The following NRDC variants were observed in gnomAD, a reference collection of about 807,000 sequenced individuals.
The protein encoded by NRDC is nardilysin.
A neutral mutation model predicts 147.1 loss-of-function variants in NRDC; 54 were observed. The observed-to-expected ratio is 0.37, with a 90% CI of 0.29 to 0.46. The LOEUF is 0.46. Ranked by LOEUF, NRDC falls within the 20% of genes least tolerant of loss-of-function variation. The probability of loss-of-function intolerance (pLI) is 1.00; values close to 1 mark genes in which losing one functional copy is unlikely to be tolerated. For synonymous variants in NRDC, 440 were observed against 482.1 expected, an observed-to-expected ratio of 0.91 and a Z score of 1.14; for missense variants, 1,082 against 1,370.6, an observed-to-expected ratio of 0.79 and a Z score of 3.33.
intron 1 of NRDC, among the ~76,000 whole-genome samples, chr1:51,842,291 C>A (rs997952822): frequency 6.6e-6 from 1 of 150,850 alleles, no homozygotes; most frequent in Non-Finnish European, 1.5e-5. Context: ...GGAAAGGACA[C>A]TGTTAGCAGA....
At chr1:51,795,934 G>A (rs539233666) in intron 22 of NRDC, among the ~76,000 whole-genome samples, 1 of 151,206 alleles carries the variant, frequency 6.6e-6, no homozygotes, top group Non-Finnish European at 1.5e-5. Flanking sequence ...AGGCTGGAGG[G>A]CAGTGGCATG....
intron 22 of NRDC, among the ~76,000 whole-genome samples, chr1:51,797,646 T>A (rs1010660536): frequency 2.6e-5 from 4 of 152,218 alleles, no homozygotes. Flanking sequence ...TTAGCCTCTA[T>A]ACTAAACTGT....
At chr1:51,798,592 C>G (rs1679043006) in intron 21 of NRDC, 181 bp from the exon 22 acceptor site, 1 of 537,828 alleles carries the variant, frequency 1.9e-6, no homozygotes, top group Admixed American at 3.4e-5. Flanking sequence ...AAACCACATA[C>G]ACAAACTTTA....
intron 1 of NRDC, among the ~76,000 whole-genome samples, chr1:51,842,229 TG>T (rs1458087756): frequency 1.0e-4 from 15 of 150,446 alleles, no homozygotes; most frequent in African/African-American, 3.7e-4. Flanking sequence ...AAAAAATGTT[TG>T]GTTTTTTTTT....
At chr1:51,862,966 G>A (rs1682615069) in intron 1 of NRDC, among the ~76,000 whole-genome samples, 1 of 126,080 alleles carries the variant, frequency 7.9e-6, no homozygotes, top group African/African-American at 3.0e-5. Flanking sequence ...GCTGAAATCA[G>A]GCCACTGCAC....
At chr1:51,825,225 C>T (rs1680391873) in intron 6 of NRDC, 62 bp downstream of exon 6, 1 of 1,113,626 alleles carries the variant, frequency 9.0e-7, no homozygotes, top group East Asian at 2.5e-5. Flanking sequence ...TCTTTATCAA[C>T]TTTTCTTATT....
chr1:51,876,599 G>T (rs768438869), intron 1 of NRDC, among the ~76,000 whole-genome samples: 2 of 152,100 alleles, frequency 1.3e-5, no homozygotes, highest in African/African-American at 2.4e-5. Flanking sequence ...CTGGATTTTT[G>T]GATTAGGGAT....
chr1:51,878,618 A>T lies in NRDC; in HGVS notation c.-3T>A. 1.2e-6 allele frequency: 2 copies of T among 1,606,994 alleles called. No homozygotes were observed. Among genetic ancestry groups the T allele is most frequent in the Non-Finnish European group, 1.7e-6 (2 of 1,176,804 alleles). On this transcript the variant is annotated 5_prime_UTR_variant, in exon 1 of 31. The change abolishes the stop of an existing upstream ORF in the 5' untranslated region. Coordinates refer to ENST00000352171, the MANE Select transcript of NRDC (RefSeq NM_001101662.2). ...GCAACAGTGACTCTCCTCAGCATTC[A>T]CCACCAAGCTGGAGCGATGGACATC...
intron 22 of NRDC, chr1:51,795,276 T>G: frequency 1.8e-6 from 2 of 1,139,314 alleles, no homozygotes; most frequent in Non-Finnish European, 2.3e-6. Context: ...TTAAGAATTC[T>G]GTTTTCTTAT....
chr1:51,790,873 G>A (rs1368720850), intron 28 of NRDC, 27 bp downstream of exon 28: 2 of 1,584,834 alleles, frequency 1.3e-6, no homozygotes, highest in African/African-American at 2.7e-5. Context: ...TGGGCCAAAG[G>A]CCAAAAGACC....
intron 4 of NRDC, among the ~76,000 whole-genome samples, chr1:51,832,390 A>T (rs1005396131): frequency 1.3e-4 from 20 of 152,000 alleles, no homozygotes; most frequent in South Asian, 4.1e-4. Flanking sequence ...TTTAAAAAAA[A>T]TTTTTTTTGG....
intron 4 of NRDC, among the ~76,000 whole-genome samples, 176 bp downstream of exon 4, chr1:51,833,841 C>A (rs1218570509): frequency 6.6e-6 from 1 of 152,192 alleles, no homozygotes; most frequent in Non-Finnish European, 1.5e-5. Context: ...TCTCAAACTC[C>A]TGGCTTTAAG....
At chr1:51,791,865 A>G (rs1287292338) in intron 26 of NRDC, among the ~76,000 whole-genome samples, 181 bp downstream of exon 26, 1 of 152,142 alleles carries the variant, frequency 6.6e-6, no homozygotes, top group African/African-American at 2.4e-5. Flanking sequence ...TTGAAACTTG[A>G]CCAAACTGAA....
chr1:51,864,763 C>T (rs930162817), intron 1 of NRDC, among the ~76,000 whole-genome samples: 1 of 151,872 alleles, frequency 6.6e-6, no homozygotes, highest in Non-Finnish European at 1.5e-5. Flanking sequence ...ACCAGCCTGG[C>T]CAACATGGTA....
At chr1:51,856,607 T>C (rs1027110709) in intron 1 of NRDC, among the ~76,000 whole-genome samples, 3 of 152,200 alleles carry the variant, frequency 2.0e-5, no homozygotes, top group African/African-American at 7.2e-5. Context: ...ACAGGGCTTC[T>C]ATGCCCTTCC....
chr1:51,837,161 G>T (rs993615728), intron 2 of NRDC, among the ~76,000 whole-genome samples: 1 of 152,132 alleles, frequency 6.6e-6, no homozygotes, highest in Non-Finnish European at 1.5e-5. Context: ...AGATAGAAAG[G>T]CGAATTATTA....
At chr1:51,791,504 T>G in intron 27 of NRDC, 74 bp downstream of exon 27, 1 of 1,294,936 alleles carries the variant, frequency 7.7e-7, no homozygotes, top group Non-Finnish European at 1.1e-6. Context: ...TGCCCAAGGT[T>G]TAAGGAAACA....
intron 8 of NRDC, 22 bp downstream of exon 8, chr1:51,821,476 T>G: frequency 2.0e-6 from 3 of 1,511,940 alleles, no homozygotes; most frequent in Non-Finnish European, 2.8e-6. Flanking sequence ...AGGTGTATGA[T>G]GTATGAAAAT....
intron 1 of NRDC, among the ~76,000 whole-genome samples, chr1:51,873,077 A>AATTACTAATGATTTCTT (rs1314287753): frequency 1.3e-5 from 2 of 152,198 alleles, no homozygotes; most frequent in African/African-American, 4.8e-5. Flanking sequence ...CACAAATGAA[A>AATTACTAATGATTTCTT]TTACTGGCTC....
Sources: gnomAD v4.1 joint callset for allele counts (sites outside exome capture counted in the v4.1 genomes callset) on GRCh38, gnomAD v4.1.1 for gene constraint, MANE v1.5 for transcripts, NCBI Gene and HGNC (gene_info 2026-07-23, HGNC 2026-07-21) for gene names.